Variants in KIF21A observed in about 807,000 individuals in gnomAD.
The protein encoded by KIF21A is kinesin-like protein KIF21A.
A neutral mutation model predicts 202.9 loss-of-function variants in KIF21A; 114 were observed. The observed-to-expected ratio is 0.56, with a 90% confidence interval of 0.48 to 0.66. The LOEUF (loss-of-function observed/expected upper bound fraction) is 0.66. Ranked by LOEUF, KIF21A falls within the 30% of genes least tolerant of loss-of-function variation. The pLI, the probability that KIF21A is intolerant of heterozygous loss-of-function variation, is 0.00. For missense variants in KIF21A, 1,677 were observed against 1,994.9 expected, an observed-to-expected ratio of 0.84 and a Z score of 3.04; for synonymous variants, 667 against 670.8, an observed-to-expected ratio of 0.99 and a Z score of 0.09.
intron 34 of KIF21A, among the ~76,000 whole-genome samples, chr12:39,305,583 G>A (rs1943395279): frequency 6.6e-6 from 1 of 151,994 alleles, no homozygotes; most frequent in Non-Finnish European, 1.5e-5. Flanking sequence ...CTCTATTCAA[G>A]TTAGTCAAAA....
intron 1 of KIF21A, among the ~76,000 whole-genome samples, chr12:39,385,922 G>C (rs1478082000): frequency 6.6e-6 from 1 of 152,148 alleles, no homozygotes; most frequent in Non-Finnish European, 1.5e-5. Context: ...TGTGCAGTCA[G>C]ATATTGATGC....
chr12:39,436,403 ATT>A (rs1368394000), intron 1 of KIF21A, among the ~76,000 whole-genome samples: 21 of 131,098 alleles, frequency 1.6e-4, no homozygotes, highest in African/African-American at 6.3e-4. Flanking sequence ...CTCGTCAATA[ATT>A]ATAAGGGTTT....
intron 14 of KIF21A, 110 bp downstream of exon 14, chr12:39,341,395 C>T: frequency 9.4e-7 from 1 of 1,058,748 alleles, no homozygotes; most frequent in Non-Finnish European, 1.4e-6. Context: ...GGTCAGTGGT[C>T]ACAGAAGTTT....
chr12:39,309,488 A>T, intron 33 of KIF21A, 98 bp downstream of exon 33: 2 of 872,790 alleles, frequency 2.3e-6, no homozygotes, highest in Non-Finnish European at 3.5e-6. Flanking sequence ...TACAAAAATT[A>T]AAATGCATTT....
At chr12:39,315,820 T>C (rs1323172419) in intron 30 of KIF21A, 112 bp downstream of exon 30, 1 of 803,136 alleles carries the variant, frequency 1.2e-6, no homozygotes, top group Admixed American at 1.7e-5. Context: ...ATTTATATGA[T>C]TTACAACAAG....
At chr12:39,356,991 T>G in intron 9 of KIF21A, 96 bp from the exon 10 acceptor site, 1 of 718,070 alleles carries the variant, frequency 1.4e-6, no homozygotes, top group Non-Finnish European at 2.4e-6. Flanking sequence ...AATAATTTTT[T>G]AAAACACAAT....
At chr12:39,319,176 A>C (rs1168885270) in intron 28 of KIF21A, among the ~76,000 whole-genome samples, 2 of 152,172 alleles carry the variant, frequency 1.3e-5, no homozygotes, top group African/African-American at 2.4e-5. Context: ...AATTCACTTC[A>C]CTAATATTTA....
At chr12:39,419,796 C>G (rs1954089226) in intron 1 of KIF21A, among the ~76,000 whole-genome samples, 1 of 152,132 alleles carries the variant, frequency 6.6e-6, no homozygotes, top group East Asian at 1.9e-4. Flanking sequence ...GAATACCTCT[C>G]CTGTGTCAAG....
chr12:39,367,050 C>T lies in KIF21A; in HGVS notation c.715G>A (p.Val239Met). The change falls in exon 5 of 38, where the codon GTG (valine) becomes ATG (methionine). Residue 239 changes from valine (V) to methionine (M), a missense_variant. This residue lies in a region of KIF21A where 966 missense variants were observed against 1,180.9 expected (regional missense o/e 0.82). Transcript: ENST00000361418. ...CTCACAGCATCTATTTGGGGACACA[C>T]TCTGGTTTGACACACATGAATGGTA... ...IFTIHVCQTR[V>M]CPQIDADNAT... 4 of 1,613,738 alleles carry T rather than the reference C, an allele frequency of 2.5e-6. No homozygotes were observed. Among genetic ancestry groups the T allele is most frequent in the Non-Finnish European group, 3.4e-6 (4 of 1,179,662 alleles).
chr12:39,408,317 C>T (rs967697505), intron 1 of KIF21A, among the ~76,000 whole-genome samples: 2 of 152,052 alleles, frequency 1.3e-5, no homozygotes, highest in Admixed American at 1.3e-4. Context: ...AAGGTTCATA[C>T]TCCTATGATA....
chr12:39,316,113 A>G, intron 29 of KIF21A, 143 bp from the exon 30 acceptor site: 1 of 716,086 alleles, frequency 1.4e-6, no homozygotes, highest in Non-Finnish European at 2.6e-6. Flanking sequence ...TTCTACTTGC[A>G]CTGGATATTA....
At chr12:39,385,114 G>A (rs1402965215) in intron 1 of KIF21A, among the ~76,000 whole-genome samples, 1 of 152,158 alleles carries the variant, frequency 6.6e-6, no homozygotes, top group Non-Finnish European at 1.5e-5. Context: ...AGCAAAGTAA[G>A]TAACCAGGAG....
At chr12:39,304,710 A>G in intron 35 of KIF21A, 111 bp downstream of exon 35, 1 of 676,410 alleles carries the variant, frequency 1.5e-6, no homozygotes, top group Non-Finnish European at 2.7e-6. Flanking sequence ...AGAAAAAGCA[A>G]AGACTAGAAA....
Position 39,303,108 on chromosome 12 carries a change from C to T in KIF21A, c.4588G>A (p.Gly1530Arg). 6.2e-7 allele frequency: 1 copy of T among 1,614,008 alleles called. No individual in the cohort carries two copies. Among genetic ancestry groups the T allele is most frequent in the Non-Finnish European group, 8.5e-7 (1 of 1,179,954 alleles). The change falls in exon 36 of 38, where the codon GGG becomes AGG. Residue 1530 changes from glycine to arginine, a missense_variant. Gly to Arg is a moderately radical substitution (Grantham distance 125, BLOSUM62 -2). Transcript: ENST00000361418. ...KMFDVTEGAL[G>R]TVSPTHNFEP... ...AAATTGTGGGTGGGACTCACAGTCCCAAGAGCTCCTTCTGTAACATCAAAC... is the reference window on the plus strand; with the variant it reads ...AAATTGTGGGTGGGACTCACAGTCCTAAGAGCTCCTTCTGTAACATCAAAC...
chr12:39,426,200 T>A (rs1954733462), intron 1 of KIF21A, among the ~76,000 whole-genome samples: 1 of 152,232 alleles, frequency 6.6e-6, no homozygotes, highest in Non-Finnish European at 1.5e-5. Context: ...AATTGGAATA[T>A]TTTAAGAAAT....
chr12:39,303,208 A>G lies in KIF21A; in HGVS notation c.4561-73T>C, dbSNP rs930239838. The G allele has an allele frequency of 2.4e-6, 3 of 1,250,410 alleles. No individual in the cohort carries two copies. The East Asian group carries it at 7.1e-5, about 29-fold the overall frequency. 77.5% of individuals were successfully genotyped at this position (1,250,410 alleles called of 1,614,324 possible). A position where few individuals can be genotyped will look rare whatever the true frequency, so the allele number is the denominator to read the frequency against. On this transcript the variant is annotated intron_variant, in intron 35 of 37. Transcript: ENST00000361418. Reference sequence around the variant, plus strand: ...ACACCAATATTTGTACAGTCCTAGAAACACATACACATGTATGTTAATCAG... The same window carrying G: ...ACACCAATATTTGTACAGTCCTAGAGACACATACACATGTATGTTAATCAG...
At chr12:39,314,046 T>C (rs1445188777) in intron 31 of KIF21A, among the ~76,000 whole-genome samples, 1 of 151,284 alleles carries the variant, frequency 6.6e-6, no homozygotes, top group Non-Finnish European at 1.5e-5. Context: ...CAAAAAGATA[T>C]ATAAAATTAA....
At chr12:39,384,428 C>T (rs559317995) in intron 1 of KIF21A, among the ~76,000 whole-genome samples, 2 of 152,116 alleles carry the variant, frequency 1.3e-5, no homozygotes, top group Non-Finnish European at 2.9e-5. Flanking sequence ...CAAGAAAGCT[C>T]GACAGAAGCT....
rs140605910 is a variant in KIF21A, at chr12:39,358,823, A to G, written c.1020-450T>C. 2.6e-3 allele frequency among the ~76,000 whole-genome samples: 403 copies of G among 152,332 alleles called. 1 individual carries two copies. Among genetic ancestry groups the G allele is most frequent in the African/African-American group, 9.2e-3 (383 of 41,588 alleles). ...AATCCAATCACATTGAAACAAGAAG[A>G]GTACTTAGTATATTCTTGTGTTTCG... is the stretch of plus-strand genomic sequence containing the variant. On this transcript the variant is annotated intron_variant, in intron 7 of 37. Transcript: ENST00000361418.
Sources: allele counts gnomAD v4.1 joint callset (sites outside exome capture counted in the v4.1 genomes callset), GRCh38; gene constraint gnomAD v4.1.1; regional missense constraint gnomAD v4.1.1; transcripts MANE v1.5; gene names NCBI Gene and HGNC (gene_info 2026-07-23, HGNC 2026-07-21).